Variants in MYBPC2 observed in about 807,000 individuals in gnomAD.
MYBPC2 encodes myosin binding protein C2.
MYBPC2 carries 122 observed loss-of-function variants against 137.0 expected under a neutral mutation model. The ratio of observed to expected loss-of-function variants is 0.89; its 90% CI spans 0.77 to 1.03. The LOEUF (loss-of-function observed/expected upper bound fraction) is 1.03. Among genes scored for constraint, MYBPC2 ranks in the 50% least tolerant of loss-of-function variants. The pLI, the probability that MYBPC2 is intolerant of heterozygous loss-of-function variation, is 0.00. For missense variants in MYBPC2, 1,500 were observed against 1,534.4 expected (o/e 0.98, Z 0.37); for synonymous variants, 626 against 612.3 (o/e 1.02, Z -0.33).
intron 5 of MYBPC2, among the ~76,000 whole-genome samples, 162 bp from the exon 6 acceptor site, chr19:50,437,311 T>C (rs1219693358): frequency 6.6e-6 from 1 of 151,868 alleles, no homozygotes; most frequent in African/African-American, 2.4e-5. Context: ...TATGAGCTGG[T>C]CTAGAACTAG....
Position 50,435,214 on chromosome 19 carries a change from G to C in MYBPC2, c.73G>C (p.Ala25Pro). The change falls in exon 2 of 28, where the codon GCT becomes CCT. Residue 25 changes from alanine to proline, a missense_variant. Ala to Pro is a conservative substitution (Grantham distance 27). Transcript: ENST00000357701. The surrounding 1 kb of genome is among the most constrained non-coding windows in gnomAD (Gnocchi z 4.8). ...TGCCCCCAAAGGAGCCCCCAAGGAG[G>C]CTCCCCCTAAGGAGGCTCCTGCAGA... ...KDAPKGAPKE[A>P]PPKEAPAEAP... 7.5e-7 allele frequency: 1 copy of C among 1,337,470 alleles called. No homozygotes were observed. The highest frequency in any genetic ancestry group is 1.1e-6 in the Non-Finnish European group (1 of 934,742). 82.9% of individuals were successfully genotyped at this position (1,337,470 alleles called of 1,614,324 possible). A position where few individuals can be genotyped will look rare whatever the true frequency, so the allele number is the denominator to read the frequency against.
intron 11 of MYBPC2, 110 bp from the exon 12 acceptor site, chr19:50,445,770 C>A (rs1054936481): frequency 8.9e-7 from 1 of 1,122,584 alleles, no homozygotes. Flanking sequence ...CTCCTCCCTC[C>A]GGGGACCTGC....
In MYBPC2 at chr19:50,458,980, C is replaced by G; in HGVS notation, c.2569C>G (p.Gln857Glu). 1 of 1,612,626 alleles carries G rather than the reference C, an allele frequency of 6.2e-7. No homozygotes were observed. The highest frequency in any genetic ancestry group is 1.1e-5 in the South Asian group (1 of 90,870). ...GACCTACATCCGCAAAGTGGGCGAG[C>G]AGCTCAACCTTGTCGTCCCCTTCCA... The part of the protein sequence containing the change: ...RQTYIRKVGE[Q>E]LNLVVPFQGK... The change falls in exon 22 of 28, where the codon CAG becomes GAG. Residue 857 changes from glutamine (Q) to glutamate (E), a missense_variant. Physicochemically the swap from Gln to Glu is conservative, Grantham distance 29 (BLOSUM62 2). Transcript: ENST00000357701.
intron 24 of MYBPC2, 78 bp downstream of exon 24, chr19:50,460,257 G>A: frequency 6.7e-7 from 1 of 1,496,470 alleles, no homozygotes; most frequent in Admixed American, 2.2e-5. Flanking sequence ...GTTCACAGCT[G>A]GAAGGGCAGG....
In MYBPC2 at chr19:50,442,092, G is replaced by A. The variant is rs376216320; in HGVS notation, c.770-89G>A. ...TCACTTTGACCTTGGAGAGCCCAGG[G>A]CCTGGGGAGGGAGATGTGGTGCCTC... On this transcript the variant is annotated intron_variant, in intron 8 of 27. Transcript: ENST00000357701. 5.4e-6 allele frequency: 8 copies of A among 1,474,016 alleles called. No individual in the cohort carries two copies. In the African/African-American group the frequency reaches 8.4e-5, roughly 15 times the overall value. The allele number at this position is 1,474,016 out of a possible 1,614,324, so 91.3% of individuals were successfully genotyped here.
At position 50,445,905 on chromosome 19, in the gene MYBPC2, C is replaced by G. The variant is rs182676965; in HGVS notation, c.1159C>G (p.Arg387Gly). ...GATGAAAGATGGTGTGGAACTGACT[C>G]GGGAGGATTCCTTCAAGGCCCGGTA... ...MWMKDGVELT[R>G]EDSFKARYRF... Residue 387 changes from arginine to glycine, a missense_variant, in exon 12 of 28, where the codon CGG becomes GGG. By Grantham distance (125) the Arg-to-Gly change is moderately radical. Transcript: ENST00000357701. 1 of 1,608,700 alleles carries G rather than the reference C, an allele frequency of 6.2e-7. No individual in the cohort carries two copies. Among genetic ancestry groups the G allele is most frequent in the South Asian group, 1.1e-5 (1 of 89,810 alleles).
rs1265244778 is a variant in MYBPC2 at position 50,459,162 on chromosome 19, A to G, written c.2647A>G (p.Thr883Ala). ...GACCAAGGGCGGGGCCCCGCTGGAC[A>G]CCTCCCGCGTGCACGTGCGGACCAG... ...VWTKGGAPLD[T>A]SRVHVRTSDF... Residue 883 changes from threonine to alanine, a missense_variant, in exon 23 of 28, where the codon ACC becomes GCC. Transcript: ENST00000357701. The G allele has an allele frequency of 2.5e-6, 4 of 1,599,546 alleles. No homozygotes were observed. Among genetic ancestry groups the G allele is most frequent in the East Asian group, 2.3e-5 (1 of 44,076 alleles).
Position 50,436,148 on chromosome 19 carries a change from C to T in MYBPC2, c.333C>T (p.Asn111=). The T allele has an allele frequency of 6.3e-7, 1 of 1,581,906 alleles. No homozygotes were observed. Among genetic ancestry groups the T allele is most frequent in the Non-Finnish European group, 8.6e-7 (1 of 1,164,272 alleles). ...GCTTCTCCTTCAAGGAGTCCCACAA[C>T]TCCGCCAGCAATGTGAGGACCCCGT... ...GARFSFKESH[N]SASNVYTVEL... is the part of the protein sequence containing the mutation. The change falls in exon 4 of 28, where the codon AAC becomes AAT. Residue 111 remains asparagine (N), a synonymous_variant. Coordinates refer to ENST00000357701, the MANE Select transcript of MYBPC2 (RefSeq NM_004533.4).
At chr19:50,451,493 T>C (rs12985344) in intron 15 of MYBPC2, among the ~76,000 whole-genome samples, 184 bp downstream of exon 15, 80,472 of 106,054 alleles carry the variant, frequency 0.76, 30,179 homozygotes, top group African/African-American at 0.9. Flanking sequence ...GGCGGGGAGC[T>C]GACAGACGGG....
At chr19:50,461,761 A>G in intron 25 of MYBPC2, 60 bp downstream of exon 25, 3 of 1,602,352 alleles carry the variant, frequency 1.9e-6, no homozygotes, top group Non-Finnish European at 2.6e-6. Flanking sequence ...CCCAGGTCCC[A>G]CCTGGACTCC....
rs201472329 is a variant in MYBPC2, at chr19:50,452,512, C to G, written c.1749+509C>G. The stretch of plus-strand genomic sequence containing the variant: ...TGTATGTATGTATGTATGTATGTAT[C>G]TATCTATCTATCTATCTATCTATCT... On this transcript the variant is annotated intron_variant, in intron 16 of 27. Transcript: ENST00000357701. Among the ~76,000 whole-genome samples, 432 of 68,446 alleles carry G rather than the reference C, an allele frequency of 6.3e-3. 1 individual carries two copies. Among genetic ancestry groups the G allele is most frequent in the South Asian group, 0.021 (44 of 2,114 alleles). The allele number at this position is 68,446 out of a possible 152,430, so 44.9% of individuals were successfully genotyped here.
At chr19:50,437,820 A>G (rs2039718049) in intron 7 of MYBPC2, 102 bp downstream of exon 7, 1 of 1,302,524 alleles carries the variant, frequency 7.7e-7, no homozygotes, top group South Asian at 1.3e-5. Flanking sequence ...CCCACTGCTT[A>G]TCCCTCTACC....
At chr19:50,444,540 T>C (rs1389817873) in intron 11 of MYBPC2, among the ~76,000 whole-genome samples, 1 of 152,086 alleles carries the variant, frequency 6.6e-6, no homozygotes, top group East Asian at 1.9e-4. Flanking sequence ...GAGCACCTGT[T>C]GTGTGGTGTA....
intron 12 of MYBPC2, among the ~76,000 whole-genome samples, chr19:50,446,907 A>C (rs542234129): frequency 1.3e-5 from 2 of 151,432 alleles, no homozygotes; most frequent in Non-Finnish European, 2.9e-5. Flanking sequence ...GAATTGCTAG[A>C]ATCCAGGAGG....
chr19:50,455,353 C>A, intron 19 of MYBPC2, 57 bp downstream of exon 19: 2 of 1,578,682 alleles, frequency 1.3e-6, no homozygotes, highest in East Asian at 2.2e-5. Flanking sequence ...TCTGATCCAT[C>A]AACCCCGTCC....
chr19:50,444,746 G>A (rs958114037), intron 11 of MYBPC2, among the ~76,000 whole-genome samples: 2 of 151,660 alleles, frequency 1.3e-5, no homozygotes, highest in African/African-American at 4.8e-5. Context: ...CGGGCGTGTT[G>A]GCGGGCGCCT....
At chr19:50,441,857 T>A (rs111282830) in intron 8 of MYBPC2, among the ~76,000 whole-genome samples, 5 of 130,936 alleles carry the variant, frequency 3.8e-5, no homozygotes, top group South Asian at 2.2e-4. Context: ...TAAAATAAAA[T>A]AAAAAATAAA....
intron 4 of MYBPC2, 134 bp downstream of exon 4, chr19:50,436,294 G>C (rs1351584101): frequency 1.0e-5 from 14 of 1,375,348 alleles, no homozygotes; most frequent in Non-Finnish European, 1.4e-5. Flanking sequence ...TCTGAGGATG[G>C]AGGTTGTGCG....
At position 50,443,672 on chromosome 19, in the gene MYBPC2, G is replaced by A. The variant is rs754017850; in HGVS notation, c.1028-39G>A. The A allele has an allele frequency of 6.2e-6, 10 of 1,611,254 alleles. No homozygotes were observed. The Admixed American group carries it at 1.3e-4, about 22-fold the overall frequency. ...GAGAGGGACTGGAACTCTGGAGGGG[G>A]TCCTGAAACGACTGACCTCCTGTCC... On this transcript the variant is annotated intron_variant, in intron 10 of 27. Transcript: ENST00000357701.
Sources: gnomAD v4.1 joint callset for allele counts (sites outside exome capture counted in the v4.1 genomes callset) on GRCh38, gnomAD v4.1.1 for gene constraint, Gnocchi (gnomAD v3.1) non-coding constraint, MANE v1.5 for transcripts, NCBI Gene and HGNC (gene_info 2026-07-23, HGNC 2026-07-21) for gene names.